ITGB2: variants seen among roughly 807,000 people sequenced by gnomAD.
ITGB2 encodes the protein integrin subunit beta 2.
In ITGB2, 56 loss-of-function variants were observed where a neutral mutation model predicts 86.8. That is an observed-to-expected ratio of 0.65 (90% confidence interval 0.52 to 0.81). The LOEUF (loss-of-function observed/expected upper bound fraction) is 0.81. ITGB2 is among the 30% of genes least tolerant of loss of function. The pLI is 0.00. For synonymous variants in ITGB2, 457 were observed against 450.4 expected (o/e 1.01, Z -0.19); for missense variants, 948 against 1,061.2 (o/e 0.89, Z 1.48).
At chr21:44,900,992 G>T (rs966297405) in intron 6 of ITGB2, among the ~76,000 whole-genome samples, 2 of 152,216 alleles carry the variant, frequency 1.3e-5, no homozygotes, top group Non-Finnish European at 2.9e-5. Flanking sequence ...GGAGAGCTAA[G>T]GTGGGTTGTG....
rs1192877537 is a variant in ITGB2 at position 44,890,225 on chromosome 21, G to A, written c.1413-3C>T. 6.2e-7 allele frequency: 1 copy of A among 1,612,864 alleles called. No homozygotes were observed. The highest frequency in any genetic ancestry group is 1.3e-5 in the African/African-American group (1 of 74,912). ...TCCCAATGTAGCCAGTGTCACACCTGGGGACAGGAGGGGCCCCAAGGTCAG... is the reference window on the plus strand; with the variant it reads ...TCCCAATGTAGCCAGTGTCACACCTAGGGACAGGAGGGGCCCCAAGGTCAG... On this transcript the variant is annotated splice_region_variant and splice_polypyrimidine_tract_variant and intron_variant, in intron 11 of 15. Transcript: ENST00000652462.
At chr21:44,922,659 A>G (rs1391185833), upstream of ITGB2, among the ~76,000 whole-genome samples, 5 of 27,446 alleles carry the variant, frequency 1.8e-4, no homozygotes, top group South Asian at 6.5e-4. Flanking sequence ...GGTAACTGAG[A>G]AAAAAAAAAA....
At position 44,886,395 on chromosome 21, in the gene ITGB2, G is replaced by A. The variant is rs192197684; in HGVS notation, c.2283C>T (p.Val761=). Residue 761 remains valine (V), a synonymous_variant, in exon 16 of 16, where the codon GTC becomes GTT. Coordinates refer to ENST00000652462, the MANE Select transcript of ITGB2 (RefSeq NM_000211.5). ...AACTCTCAGCAAACTTGGGGTTCAT[G>A]ACCGTCGTGGTGGCGCTCTTGAAAA... is the stretch of plus-strand genomic sequence containing the variant. ...NPLFKSATTT[V]MNPKFAES is the part of the protein sequence containing the mutation. The A allele has an allele frequency of 4.1e-5, 66 of 1,614,176 alleles. No homozygotes were observed. In the East Asian group the frequency reaches 1.4e-3, roughly 33 times the overall value.
chr21:44,901,945 G>C (rs1294119970), intron 5 of ITGB2: 2 of 598,136 alleles, frequency 3.3e-6, no homozygotes, highest in Non-Finnish European at 3.0e-6. Context: ...CTGGGAGTGT[G>C]CAATGTACAT....
Position 44,910,331 on chromosome 21 carries a change from G to A in ITGB2, c.100C>T (p.Arg34Trp), listed in dbSNP as rs775878305. Reference sequence around the variant, plus strand: ...CCGGGCCCCGACTCGATGCATTCCCGGCAGCTGCTGACCTTGAACTTCGTG... The same window carrying A: ...CCGGGCCCCGACTCGATGCATTCCCAGCAGCTGCTGACCTTGAACTTCGTG... ...ECTKFKVSSC[R>W]ECIESGPGCT... Residue 34 changes from arginine (R) to tryptophan (W), a missense_variant, in exon 3 of 16, where the codon CGG (arginine) becomes TGG (tryptophan). By Grantham distance (101) the Arg-to-Trp change is moderately radical (BLOSUM62 -3). Transcript: ENST00000652462. The A allele has an allele frequency of 8.7e-6, 14 of 1,614,008 alleles. No homozygotes were observed. The highest frequency in any genetic ancestry group is 6.7e-5 in the East Asian group (3 of 44,892).
intron 8 of ITGB2, 93 bp from the exon 9 acceptor site, chr21:44,895,153 A>G (rs2083846516): frequency 4.3e-6 from 4 of 922,512 alleles, no homozygotes; most frequent in Admixed American, 3.4e-5. Context: ...CTGCACCTGC[A>G]AAATGGCTGG....
intron 11 of ITGB2, among the ~76,000 whole-genome samples, chr21:44,891,403 A>G (rs2083783661): frequency 6.6e-6 from 1 of 152,176 alleles, no homozygotes; most frequent in African/African-American, 2.4e-5. Flanking sequence ...GGTCAGAGAG[A>G]AGCCAGCTCC....
chr21:44,896,066 T>C (rs1406315547), intron 8 of ITGB2, among the ~76,000 whole-genome samples: 1 of 151,900 alleles, frequency 6.6e-6, no homozygotes, highest in African/African-American at 2.4e-5. Context: ...GTGTGAGTGA[T>C]CCCGCCTGCA....
chr21:44,891,776 G>T (rs1244567201), intron 11 of ITGB2, 33 bp downstream of exon 11: 2 of 1,597,878 alleles, frequency 1.3e-6, no homozygotes, highest in Admixed American at 3.3e-5. Flanking sequence ...TGGGGCTCGG[G>T]GATGGTTCAA....
upstream of ITGB2, among the ~76,000 whole-genome samples, chr21:44,924,303 G>A (rs1322445323): frequency 3.0e-4 from 45 of 151,046 alleles, no homozygotes; most frequent in Admixed American, 3.0e-3. Context: ...GGTGGCGCAT[G>A]CCTGTAATCC....
At chr21:44,893,379 T>C in intron 10 of ITGB2, 25 bp downstream of exon 10, 1 of 1,612,410 alleles carries the variant, frequency 6.2e-7, no homozygotes, top group Non-Finnish European at 8.5e-7. Context: ...CAAGCTGGGA[T>C]GGGGACCCTT....
chr21:44,909,970 C>T (rs144534350), intron 3 of ITGB2, among the ~76,000 whole-genome samples: 24 of 152,310 alleles, frequency 1.6e-4, no homozygotes, highest in African/African-American at 4.8e-4. Context: ...CACTTGCTTA[C>T]GTAGTTTTGT....
rs773238697 is a variant in ITGB2 at position 44,899,109 on chromosome 21, C to T, written c.951G>A (p.Gln317=). 1 of 1,614,198 alleles carries T rather than the reference C, an allele frequency of 6.2e-7. No individual in the cohort carries two copies. The highest frequency in any genetic ancestry group is 1.1e-5 in the South Asian group (1 of 91,086). ...LAHKLAENNI[Q]PIFAVTSRMV... is the part of the protein sequence containing the mutation. ...TCCTACTGGTCACCGCGAAGATGGGCTGGATGTTGTTTTCAGCCAGCTTGT... is the reference window on the plus strand; with the variant it reads ...TCCTACTGGTCACCGCGAAGATGGGTTGGATGTTGTTTTCAGCCAGCTTGT... Residue 317 remains glutamine (Q), a synonymous_variant, in exon 8 of 16, where the codon CAG becomes CAA. Coordinates refer to ENST00000652462, the MANE Select transcript of ITGB2 (RefSeq NM_000211.5).
At chr21:44,902,827 C>T (rs539395228) in intron 5 of ITGB2, among the ~76,000 whole-genome samples, 7 of 151,256 alleles carry the variant, frequency 4.6e-5, no homozygotes, top group South Asian at 2.1e-4. Context: ...TGTGTGTTAT[C>T]GTGCATGTGT....
At chr21:44,889,946 G>C in intron 12 of ITGB2, 32 bp downstream of exon 12, 1 of 1,611,776 alleles carries the variant, frequency 6.2e-7, no homozygotes, top group African/African-American at 1.3e-5. Context: ...GCCGCAGGAC[G>C]GCCGTTGTCC....
upstream of ITGB2, chr21:44,921,020 C>G (rs1451135778): frequency 2.6e-5 from 4 of 152,412 alleles, no homozygotes; most frequent in Admixed American, 2.0e-4. Flanking sequence ...CCTCTCCGCT[C>G]TACAGCAGCT....
chr21:44,895,278 A>G (rs563960583), intron 8 of ITGB2, among the ~76,000 whole-genome samples: 158 of 152,226 alleles, frequency 1.0e-3, no homozygotes, highest in African/African-American at 3.8e-3. Flanking sequence ...CGCCTGGAAT[A>G]CCAGTACTCG....
Position 44,899,117 on chromosome 21 carries a change from T to C in ITGB2, c.943A>G (p.Asn315Asp). 1 of 1,614,198 alleles carries C rather than the reference T, an allele frequency of 6.2e-7. No individual in the cohort carries two copies. Among genetic ancestry groups the C allele is most frequent in the Non-Finnish European group, 8.5e-7 (1 of 1,180,016 alleles). ...GQLAHKLAEN[N>D]IQPIFAVTSR... Reference sequence around the variant, plus strand: ...GTCACCGCGAAGATGGGCTGGATGTTGTTTTCAGCCAGCTTGTGCGCCAGC... The same window carrying C: ...GTCACCGCGAAGATGGGCTGGATGTCGTTTTCAGCCAGCTTGTGCGCCAGC... The change falls in exon 8 of 16, where the codon AAC becomes GAC. Residue 315 changes from asparagine to aspartate, a missense_variant. Asn to Asp is a conservative substitution (Grantham distance 23). Transcript: ENST00000652462.
chr21:44,919,786 A>G (rs1284704359), intron 1 of ITGB2, among the ~76,000 whole-genome samples: 2 of 152,196 alleles, frequency 1.3e-5, no homozygotes, highest in East Asian at 3.9e-4. Flanking sequence ...GGACAGGGAC[A>G]GCAGGGCAGA....
Sources: gnomAD v4.1 joint callset for allele counts (sites outside exome capture counted in the v4.1 genomes callset) on GRCh38, gnomAD v4.1.1 for gene constraint, MANE v1.5 for transcripts, NCBI Gene and HGNC (gene_info 2026-07-23, HGNC 2026-07-21) for gene names.